Variants in ZNF891 observed in about 807,000 individuals in gnomAD.
The protein encoded by ZNF891 is hCG1646157.
For synonymous variants in ZNF891, 199 were observed against 209.0 expected (o/e 0.95, Z 0.41); for missense variants, 589 against 632.7 (o/e 0.93, Z 0.74).
In ZNF891 at chr12:133,110,371, AG is replaced by A. The variant is rs1593820273; in HGVS notation, c.*9912del. 6.6e-6 allele frequency: 1 copy of A among 152,336 alleles called. No homozygotes were observed. Among genetic ancestry groups the A allele is most frequent in the East Asian group, 1.9e-4 (1 of 5,180 alleles). The allele number at this position is 152,336 out of a possible 1,614,324, so 9.4% of individuals were successfully genotyped here. On this transcript the variant is annotated 3_prime_UTR_variant, in exon 2 of 2. Transcript: ENST00000537226. Reference sequence around the variant, plus strand: ...TGCATGCCTTTATGTATTATTCTTCAGGAAAAAAAAGTTTTTTAAAAGAAGT... The same window carrying A: ...TGCATGCCTTTATGTATTATTCTTCAGAAAAAAAAGTTTTTTAAAAGAAGT...
At position 133,114,780 on chromosome 12, in the gene ZNF891, C is replaced by T. The variant is rs1320568297; in HGVS notation, c.*5504G>A. Reference sequence around the variant, plus strand: ...GAGACAGTGAAGATAAAGGGAATAACCAGAGATAAGGCCTGAAAAGGCAAG... The same window carrying T: ...GAGACAGTGAAGATAAAGGGAATAATCAGAGATAAGGCCTGAAAAGGCAAG... On this transcript the variant is annotated 3_prime_UTR_variant, in exon 2 of 2. Transcript: ENST00000537226. 1 of 152,102 alleles carries T rather than the reference C, an allele frequency of 6.6e-6. No individual in the cohort carries two copies. The highest frequency in any genetic ancestry group is 2.4e-5 in the African/African-American group (1 of 41,420). 9.4% of individuals were successfully genotyped at this position (152,102 alleles called of 1,614,324 possible).
At position 133,121,896 on chromosome 12, in the gene ZNF891, G is replaced by A; in HGVS notation, c.23C>T (p.Ser8Phe). ...GTCCTGTTTAGTTAAAGCCCATGGGGAGGATAGGTCCATAACTGCCATTTT... is the reference window on the plus strand; with the variant it reads ...GTCCTGTTTAGTTAAAGCCCATGGGAAGGATAGGTCCATAACTGCCATTTT... MAVMDLS[S>F]PWALTKQDSA... is the part of the protein sequence containing the mutation. The change falls in exon 2 of 2, where the codon TCC becomes TTC. Residue 8 changes from serine to phenylalanine, a missense_variant. By Grantham distance (155) the Ser-to-Phe change is radical (BLOSUM62 -2). Coordinates refer to ENST00000537226, the MANE Select transcript of ZNF891 (RefSeq NM_001277291.2). 1 of 1,535,482 alleles carries A rather than the reference G, an allele frequency of 6.5e-7. No individual in the cohort carries two copies. The highest frequency in any genetic ancestry group is 1.2e-5 in the South Asian group (1 of 83,948).
At position 133,113,807 on chromosome 12, in the gene ZNF891, A is replaced by C. The variant is rs1367916031; in HGVS notation, c.*6477T>G. Reference sequence around the variant, plus strand: ...GTGCACACAGCTCACTGCAGACTCAACCCCACTGCAGCTCAAGTGATCCTC... The same window carrying C: ...GTGCACACAGCTCACTGCAGACTCACCCCCACTGCAGCTCAAGTGATCCTC... On this transcript the variant is annotated 3_prime_UTR_variant, in exon 2 of 2. Transcript: ENST00000537226. The C allele has an allele frequency of 6.6e-6, 1 of 152,020 alleles. No individual in the cohort carries two copies. Among genetic ancestry groups the C allele is most frequent in the Non-Finnish European group, 1.5e-5 (1 of 68,014 alleles). The allele number at this position is 152,020 out of a possible 1,614,324, so 9.4% of individuals were successfully genotyped here.
In ZNF891 at chr12:133,106,092, A is replaced by G; in HGVS notation, c.*14192T>C. 2 of 1,614,082 alleles carry G rather than the reference A, an allele frequency of 1.2e-6. No individual in the cohort carries two copies. The highest frequency in any genetic ancestry group is 1.7e-6 in the Non-Finnish European group (2 of 1,179,992). The stretch of plus-strand genomic sequence containing the variant: ...CAAAGAATTCACATAGGAAAGAAAC[A>G]ATATATATGTAGGAAATGTGGTAAA... On this transcript the variant is annotated 3_prime_UTR_variant, in exon 2 of 2. Transcript: ENST00000537226.
Position 133,117,722 on chromosome 12 carries a change from A to C in ZNF891, c.*2562T>G, listed in dbSNP as rs139261567. 1 of 152,220 alleles carries C rather than the reference A, an allele frequency of 6.6e-6. No homozygotes were observed. The highest frequency in any genetic ancestry group is 2.4e-5 in the African/African-American group (1 of 41,550). 9.4% of individuals were successfully genotyped at this position (152,220 alleles called of 1,614,324 possible). A position where few individuals can be genotyped will look rare whatever the true frequency, so the allele number is the denominator to read the frequency against. On this transcript the variant is annotated 3_prime_UTR_variant, in exon 2 of 2. Transcript: ENST00000537226. ...TTTACTCCAAATCTCTCCAGCTACT[A>C]CCCTTTCTCCTATTATTCAAACTTG...
Position 133,120,367 on chromosome 12 carries a change from A to G in ZNF891, c.1552T>C (p.Cys518Arg). Reference protein sequence around the residue: ...RIHTGEKPYECIQCGKAFSQS... With the variant: ...RIHTGEKPYERIQCGKAFSQS... ...CTGAAGGCTTTTCCACATTGAATACATTCATAGGGTTTCTCTCCAGTGTGA... is the reference window on the plus strand; with the variant it reads ...CTGAAGGCTTTTCCACATTGAATACGTTCATAGGGTTTCTCTCCAGTGTGA... Residue 518 changes from cysteine (C) to arginine (R), a missense_variant, in exon 2 of 2, where the codon TGT becomes CGT. Transcript: ENST00000537226. 6.3e-7 allele frequency: 1 copy of G among 1,589,714 alleles called. No individual in the cohort carries two copies. Among genetic ancestry groups the G allele is most frequent in the Non-Finnish European group, 8.6e-7 (1 of 1,169,282 alleles).
chr12:133,106,151 C>A lies in ZNF891; in HGVS notation c.*14133G>T, dbSNP rs1955584679. The A allele has an allele frequency of 1.2e-6, 2 of 1,614,146 alleles. No individual in the cohort carries two copies. Among genetic ancestry groups the A allele is most frequent in the Admixed American group, 1.7e-5 (1 of 60,020 alleles). ...CAGTGGCTCAGAACTCATTCGCCAC[C>A]AGATTACACATACTGGAGAGAAACC... On this transcript the variant is annotated 3_prime_UTR_variant, in exon 2 of 2. Coordinates refer to ENST00000537226, the MANE Select transcript of ZNF891 (RefSeq NM_001277291.2).
chr12:133,123,569 A>G (rs969073985), intron 1 of ZNF891, among the ~76,000 whole-genome samples: 11 of 152,218 alleles, frequency 7.2e-5, no homozygotes, highest in East Asian at 1.9e-4. Context: ...TTAGCCAACC[A>G]TGGTGGCATG....
In ZNF891 at chr12:133,121,415, T is replaced by C. The variant is rs1566336362; in HGVS notation, c.504A>G (p.Pro168=). Reference sequence around the variant, plus strand: ...ATATCATTTGCCTCCAATGTCCCCCTGGAATCTTATGCTGTTTTCTGATCT... The same window carrying C: ...ATATCATTTGCCTCCAATGTCCCCCCGGAATCTTATGCTGTTTTCTGATCT... The part of the protein sequence containing the change: ...CHKIRKQHKI[P]GGHWRQMIYA... The change falls in exon 2 of 2, where the codon CCA becomes CCG. Residue 168 remains proline (P), a synonymous_variant. Transcript: ENST00000537226. 7 of 1,536,134 alleles carry C rather than the reference T, an allele frequency of 4.6e-6. No homozygotes were observed. Among genetic ancestry groups the C allele is most frequent in the African/African-American group, 2.7e-5 (2 of 73,176 alleles).
rs1203017858 is a variant in ZNF891, at chr12:133,112,754, G to A, written c.*7530C>T. On this transcript the variant is annotated 3_prime_UTR_variant, in exon 2 of 2. Transcript: ENST00000537226. ...CACCCTTTATCAACACTTTCAAAAA[G>A]TTTGCCTTTAAAAAGTAGGAGATAG... is the stretch of plus-strand genomic sequence containing the variant. The A allele has an allele frequency of 6.6e-6, 1 of 152,168 alleles. No homozygotes were observed. Among genetic ancestry groups the A allele is most frequent in the East Asian group, 1.9e-4 (1 of 5,202 alleles). 9.4% of individuals were successfully genotyped at this position (152,168 alleles called of 1,614,324 possible).
rs1199234306 is a variant in ZNF891 at position 133,105,877 on chromosome 12, G to C, written c.*14407C>G. 1 of 1,614,138 alleles carries C rather than the reference G, an allele frequency of 6.2e-7. No individual in the cohort carries two copies. The highest frequency in any genetic ancestry group is 1.3e-5 in the African/African-American group (1 of 75,036). On this transcript the variant is annotated 3_prime_UTR_variant, in exon 2 of 2. Transcript: ENST00000537226. Reference sequence around the variant, plus strand: ...AGGAATGTGGCAAAACCTTTAGCCAGATTTCAAACCTTGTGAAACACCAAA... The same window carrying C: ...AGGAATGTGGCAAAACCTTTAGCCACATTTCAAACCTTGTGAAACACCAAA...
intron 1 of ZNF891, chr12:133,122,419 A>G (rs1174247357): frequency 1.2e-5 from 2 of 166,956 alleles, no homozygotes; most frequent in African/African-American, 4.8e-5. Flanking sequence ...CACCTGTTTC[A>G]TATAAATTTC....
rs1358008177 is a variant in ZNF891 at position 133,116,667 on chromosome 12, C to G, written c.*3617G>C. 1 of 152,242 alleles carries G rather than the reference C, an allele frequency of 6.6e-6. No homozygotes were observed. Among genetic ancestry groups the G allele is most frequent in the Non-Finnish European group, 1.5e-5 (1 of 68,098 alleles). 9.4% of individuals were successfully genotyped at this position (152,242 alleles called of 1,614,324 possible). A position where few individuals can be genotyped will look rare whatever the true frequency, so the allele number is the denominator to read the frequency against. On this transcript the variant is annotated 3_prime_UTR_variant, in exon 2 of 2. Coordinates refer to ENST00000537226, the MANE Select transcript of ZNF891 (RefSeq NM_001277291.2). ...TAATGTCATTACAATCTTCTGTATT[C>G]CTCAGGCCAAAGCCAGAAACCCTAA...
rs1230857707 is a variant in ZNF891 at position 133,120,107 on chromosome 12, C to T, written c.*177G>A. The stretch of plus-strand genomic sequence containing the variant: ...ATACCTACCTCACATATTAAAAATA[C>T]CTAATTCTAAACAGCCATGGATCAA... On this transcript the variant is annotated 3_prime_UTR_variant, in exon 2 of 2. Coordinates refer to ENST00000537226, the MANE Select transcript of ZNF891 (RefSeq NM_001277291.2). 1 of 492,168 alleles carries T rather than the reference C, an allele frequency of 2.0e-6. No homozygotes were observed. Among genetic ancestry groups the T allele is most frequent in the Non-Finnish European group, 3.5e-6 (1 of 284,712 alleles). The allele number at this position is 492,168 out of a possible 1,614,324, so 30.5% of individuals were successfully genotyped here.
Position 133,118,310 on chromosome 12 carries a change from A to C in ZNF891, c.*1974T>G, listed in dbSNP as rs537301918. The C allele has an allele frequency of 3.3e-5, 5 of 152,242 alleles. No homozygotes were observed. The highest frequency in any genetic ancestry group is 3.9e-4 in the East Asian group (2 of 5,170). The allele number at this position is 152,242 out of a possible 1,614,324, so 9.4% of individuals were successfully genotyped here. A position where few individuals can be genotyped will look rare whatever the true frequency, so the allele number is the denominator to read the frequency against. The stretch of plus-strand genomic sequence containing the variant: ...ACTCCACTCTTCTTGTTTTCCTCTT[A>C]TCTCTCTACTATAGTTCCTTTAAAT... On this transcript the variant is annotated 3_prime_UTR_variant, in exon 2 of 2. Transcript: ENST00000537226.
In ZNF891 at chr12:133,111,670, A is replaced by G. The variant is rs1433039828; in HGVS notation, c.*8614T>C. ...GAAACTGTGCTCATAGGTAGAAAAT[A>G]TAATTTTATGTATTTGACATGCATT... On this transcript the variant is annotated 3_prime_UTR_variant, in exon 2 of 2. Transcript: ENST00000537226. 6.6e-6 allele frequency: 1 copy of G among 152,202 alleles called. No homozygotes were observed. Among genetic ancestry groups the G allele is most frequent in the Non-Finnish European group, 1.5e-5 (1 of 68,040 alleles). The allele number at this position is 152,202 out of a possible 1,614,324, so 9.4% of individuals were successfully genotyped here.
At chr12:133,129,727 G>C (rs916594469) in intron 1 of ZNF891, among the ~76,000 whole-genome samples, 27 of 152,140 alleles carry the variant, frequency 1.8e-4, no homozygotes, top group African/African-American at 6.0e-4. Context: ...ACACAATCTT[G>C]TGAGCATAGG....
At position 133,119,241 on chromosome 12, in the gene ZNF891, A is replaced by C. The variant is rs1213026517; in HGVS notation, c.*1043T>G. 1 of 152,110 alleles carries C rather than the reference A, an allele frequency of 6.6e-6. No individual in the cohort carries two copies. Among genetic ancestry groups the C allele is most frequent in the Non-Finnish European group, 1.5e-5 (1 of 68,022 alleles). The allele number at this position is 152,110 out of a possible 1,614,324, so 9.4% of individuals were successfully genotyped here. ...AAAAATTGAAAAAAAAAAAGAAAAA[A>C]TCAATTAACATATTTTTCTTGGCCG... On this transcript the variant is annotated 3_prime_UTR_variant, in exon 2 of 2. Transcript: ENST00000537226.
chr12:133,121,360 G>C lies in ZNF891; in HGVS notation c.559C>G (p.Leu187Val), dbSNP rs1375863953. ...TCTAATTCATGATAGTCACGGAATAGCTCCTGAGGTACTGTTTTCTTTGGG... is the reference window on the plus strand; with the variant it reads ...TCTAATTCATGATAGTCACGGAATACCTCCTGAGGTACTGTTTTCTTTGGG... ...YAPKKTVPQELFRDYHELEEN... is the reference protein window; with the variant it reads ...YAPKKTVPQEVFRDYHELEEN... The change falls in exon 2 of 2, where the codon CTA becomes GTA. Residue 187 changes from leucine to valine, a missense_variant. Physicochemically the swap from Leu to Val is conservative, Grantham distance 32. Transcript: ENST00000537226. The C allele has an allele frequency of 6.5e-7, 1 of 1,535,960 alleles. No homozygotes were observed. The highest frequency in any genetic ancestry group is 1.4e-5 in the African/African-American group (1 of 73,046).
Sources: gnomAD v4.1 joint callset for allele counts (sites outside exome capture counted in the v4.1 genomes callset) on GRCh38, gnomAD v4.1.1 for gene constraint, MANE v1.5 for transcripts, NCBI Gene and HGNC (gene_info 2026-07-23, HGNC 2026-07-21) for gene names.